GRB14: variants seen among roughly 807,000 people sequenced by gnomAD.
GRB14 encodes the protein growth factor receptor bound protein 14.
GRB14 carries 38 observed loss-of-function variants against 69.1 expected under a neutral mutation model. That is an observed-to-expected ratio of 0.55 (90% CI 0.42 to 0.72). The LOEUF (loss-of-function observed/expected upper bound fraction) is 0.72, where lower values mean the gene tolerates loss of function less well. Among genes scored for constraint, GRB14 ranks in the 30% least tolerant of loss-of-function variants. The pLI, the probability that GRB14 is intolerant of heterozygous loss-of-function variation, is 0.00. For synonymous variants in GRB14, 247 were observed against 241.3 expected (o/e 1.02, Z -0.22); for missense variants, 666 against 666.1 (o/e 1.00, Z 0.00).
At chr2:164,545,730 CTCCT>C (rs1688357242) in intron 3 of GRB14, among the ~76,000 whole-genome samples, 1 of 152,222 alleles carries the variant, frequency 6.6e-6, no homozygotes, top group Non-Finnish European at 1.5e-5. Context: ...CCATAACGAA[CTCCT>C]TCCTGTCTTA....
chr2:164,524,275 A>C (rs1463196117), intron 5 of GRB14, among the ~76,000 whole-genome samples: 1 of 152,094 alleles, frequency 6.6e-6, no homozygotes, highest in Non-Finnish European at 1.5e-5. Context: ...ATTGCTCAAC[A>C]TTAACCTGTA....
chr2:164,542,132 C>G (rs947490484), intron 3 of GRB14, among the ~76,000 whole-genome samples: 2 of 152,180 alleles, frequency 1.3e-5, no homozygotes, highest in Non-Finnish European at 2.9e-5. Flanking sequence ...CATACTCCTA[C>G]AGCCATCTGA....
intron 2 of GRB14, among the ~76,000 whole-genome samples, chr2:164,594,806 A>C (rs1273299655): frequency 1.3e-5 from 2 of 152,228 alleles, no homozygotes; most frequent in Non-Finnish European, 2.9e-5. Context: ...AAACTTTTAT[A>C]ACAAAAGGAA....
Position 164,494,542 on chromosome 2 carries a change from A to G in GRB14, c.1383-18T>C. The G allele has an allele frequency of 8.2e-7, 1 of 1,214,606 alleles. No individual in the cohort carries two copies. The highest frequency in any genetic ancestry group is 1.2e-6 in the Non-Finnish European group (1 of 816,420). The allele number at this position is 1,214,606 out of a possible 1,614,324, so 75.2% of individuals were successfully genotyped here. On this transcript the variant is annotated intron_variant, in intron 12 of 13. Transcript: ENST00000263915. ...AGAAAACTCTAAAGAGAGAGAAGGA[A>G]TTTCAATGTTTCTATATTTACTCAT... is the stretch of plus-strand genomic sequence containing the variant.
At chr2:164,571,273 G>A (rs751421682) in intron 2 of GRB14, among the ~76,000 whole-genome samples, 3 of 152,094 alleles carry the variant, frequency 2.0e-5, no homozygotes, top group Non-Finnish European at 2.9e-5. Context: ...TTGCAAAAAT[G>A]AGGATAAAAA....
Position 164,527,084 on chromosome 2 carries a change from C to T in GRB14, c.533G>A (p.Gly178Glu), listed in dbSNP as rs769241007. The T allele has an allele frequency of 1.9e-6, 3 of 1,587,348 alleles. No individual in the cohort carries two copies. The highest frequency in any genetic ancestry group is 1.1e-5 in the South Asian group (1 of 90,010). Residue 178 changes from glycine to glutamate, a missense_variant, in exon 4 of 14, where the codon GGG (glycine) becomes GAG (glutamate). Transcript: ENST00000263915. ...GTATAGTTTGTTTTCTTCTTCTATC[C>T]CCCAGTTGGATAGCACTTCAATCAC... Reference protein sequence around the residue: ...ELVIEVLSNWGIEEENKLYFR... With the variant: ...ELVIEVLSNWEIEEENKLYFR...
At chr2:164,545,756 G>A (rs888857943) in intron 3 of GRB14, among the ~76,000 whole-genome samples, 8 of 152,184 alleles carry the variant, frequency 5.3e-5, no homozygotes, top group African/African-American at 1.9e-4. Context: ...CTACTTATAT[G>A]TAAACATGTT....
intron 2 of GRB14, among the ~76,000 whole-genome samples, chr2:164,574,941 A>G (rs572464763): frequency 6.6e-6 from 1 of 152,196 alleles, no homozygotes; most frequent in South Asian, 2.1e-4. Flanking sequence ...AAATGAAGAA[A>G]AAAAAAAAAA....
In GRB14 at chr2:164,551,108, G is replaced by T. The variant is rs552752627; in HGVS notation, c.325-3292C>A. Among the ~76,000 whole-genome samples, 82 of 152,290 alleles carry T rather than the reference G, an allele frequency of 5.4e-4. 1 individual carries two copies. The highest frequency in any genetic ancestry group is 1.9e-3 in the African/African-American group (77 of 41,558). On this transcript the variant is annotated intron_variant, in intron 2 of 13. Transcript: ENST00000263915. ...GAAACCAGTAAATTTTACATATAAG[G>T]TCTTTTTAAAATTTTTATTTTTAGA...
intron 6 of GRB14, among the ~76,000 whole-genome samples, chr2:164,512,255 C>T (rs1687358993): frequency 1.3e-5 from 2 of 152,290 alleles, no homozygotes; most frequent in East Asian, 1.9e-4. Context: ...CAACCTCTGC[C>T]TCCTAGGTTC....
chr2:164,499,557 C>A (rs893714766), intron 9 of GRB14, among the ~76,000 whole-genome samples: 2 of 152,146 alleles, frequency 1.3e-5, no homozygotes, highest in Non-Finnish European at 2.9e-5. Context: ...ATTTCTCCAA[C>A]ACTTCTCCCC....
intron 2 of GRB14, among the ~76,000 whole-genome samples, chr2:164,596,431 T>A (rs1043057924): frequency 1.3e-5 from 2 of 152,112 alleles, no homozygotes; most frequent in African/African-American, 4.8e-5. Context: ...TAATTATCCC[T>A]CAAGTCATTA....
At chr2:164,529,830 G>A (rs1013233726) in intron 3 of GRB14, among the ~76,000 whole-genome samples, 1 of 152,200 alleles carries the variant, frequency 6.6e-6, no homozygotes, top group African/African-American at 2.4e-5. Context: ...AAGCTTGTCT[G>A]CTTCTGCCTG....
At chr2:164,582,722 T>G (rs1160327821) in intron 2 of GRB14, among the ~76,000 whole-genome samples, 5 of 152,122 alleles carry the variant, frequency 3.3e-5, no homozygotes, top group Non-Finnish European at 5.9e-5. Flanking sequence ...CCCGGCCTAT[T>G]TTCAGCTCTT....
chr2:164,558,608 A>G (rs1180845187), intron 2 of GRB14, among the ~76,000 whole-genome samples: 2 of 152,236 alleles, frequency 1.3e-5, no homozygotes, highest in Non-Finnish European at 2.9e-5. Context: ...TCTTTGAAAC[A>G]AGAAAACCTC....
intron 8 of GRB14, among the ~76,000 whole-genome samples, chr2:164,505,351 G>A (rs576108862): frequency 5.8e-4 from 88 of 152,200 alleles, no homozygotes; most frequent in Non-Finnish European, 1.0e-3. Context: ...TGTGCATTTC[G>A]AAATTTAACA....
chr2:164,608,368 C>T (rs1690088315), intron 2 of GRB14, among the ~76,000 whole-genome samples: 1 of 150,022 alleles, frequency 6.7e-6, no homozygotes, highest in African/African-American at 2.5e-5. Flanking sequence ...GAGACTCCCT[C>T]TAAAAAAAAA....
chr2:164,574,602 A>T (rs969511106), intron 2 of GRB14, among the ~76,000 whole-genome samples: 1 of 152,080 alleles, frequency 6.6e-6, no homozygotes, highest in African/African-American at 2.4e-5. Flanking sequence ...GAAAACCAAA[A>T]CAGCAGAAAA....
chr2:164,515,694 T>C (rs1477053638), intron 6 of GRB14, among the ~76,000 whole-genome samples: 1 of 151,392 alleles, frequency 6.6e-6, no homozygotes, highest in South Asian at 2.1e-4. Flanking sequence ...TCACCAGCAA[T>C]GGATCCAAAC....
Sources: allele counts gnomAD v4.1 joint callset (sites outside exome capture counted in the v4.1 genomes callset), GRCh38; gene constraint gnomAD v4.1.1; transcripts MANE v1.5; gene names NCBI Gene and HGNC (gene_info 2026-07-23, HGNC 2026-07-21).